TENM1: variants seen among roughly 807,000 people sequenced by gnomAD.
TENM1 encodes the protein teneurin transmembrane protein 1, also known as teneurin-1.
In TENM1, 35 loss-of-function variants were observed where a neutral mutation model predicts 174.8. The observed-to-expected ratio is 0.20, with a 90% CI of 0.15 to 0.27. The LOEUF (loss-of-function observed/expected upper bound fraction) is 0.27. TENM1 is among the 10% of genes least tolerant of loss of function. The probability of loss-of-function intolerance (pLI) is 1.00; values close to 1 mark genes in which losing one functional copy is unlikely to be tolerated. For synonymous variants in TENM1, 781 were observed against 798.7 expected, an observed-to-expected ratio of 0.98 and a Z score of 0.37; for missense variants, 1,633 against 2,130.1, an observed-to-expected ratio of 0.77 and a Z score of 4.59.
At chrX:124,408,386 C>A (rs935917571) in intron 25 of TENM1, among the ~76,000 whole-genome samples, 2 of 111,518 alleles carry the variant, frequency 1.8e-5, no homozygotes, top group African/African-American at 6.5e-5. Flanking sequence ...CATGTGATTC[C>A]CCCTGCCTCA....
At position 124,477,916 on chromosome X, in the gene TENM1, G is replaced by C. The variant is rs1055892032; in HGVS notation, c.3949+3816C>G. Among the ~76,000 whole-genome samples the C allele has an allele frequency of 2.9e-5, 3 of 104,643 alleles. No individual in the cohort carries two copies. In the Admixed American group the frequency reaches 2.9e-4, roughly 10 times the overall value. The allele number at this position is 104,643 out of a possible 115,157, so 90.9% of individuals were successfully genotyped here. A position where few individuals can be genotyped will look rare whatever the true frequency, so the allele number is the denominator to read the frequency against. ...CAGTGGTACATGTGTAGTATGTCCA[G>C]GTAAATTTCTTAACCTGTCTGATTC... On this transcript the variant is annotated intron_variant, in intron 22 of 31. Transcript: ENST00000422452.
intron 14 of TENM1, among the ~76,000 whole-genome samples, chrX:124,549,367 A>C (rs1296869965): frequency 8.9e-6 from 1 of 112,297 alleles, no homozygotes; most frequent in Admixed American, 9.4e-5. Flanking sequence ...TTATTGAGCT[A>C]ATATATGTGG....
At chrX:125,081,292 T>C in the TENM1 span, among the ~76,000 whole-genome samples, 68 of 111,544 alleles carry the variant, frequency 6.1e-4, 1 homozygote, top group Non-Finnish European at 7.6e-4. Flanking sequence ...TTCAATACCA[T>C]GTATCCACTT....
At chrX:124,551,737 A>C (rs959065350) in intron 14 of TENM1, among the ~76,000 whole-genome samples, 2 of 112,320 alleles carry the variant, frequency 1.8e-5, no homozygotes, top group South Asian at 7.4e-4. Context: ...TAAAGCTGGA[A>C]AGGTAATCAT....
At chrX:125,002,232 T>G in the TENM1 span, among the ~76,000 whole-genome samples, 1 of 111,530 alleles carries the variant, frequency 9.0e-6, no homozygotes, top group African/African-American at 3.3e-5. Context: ...TTCAATTGCA[T>G]AGTGCTTCAC....
chrX:124,588,560 G>A (rs1460864669), intron 11 of TENM1, among the ~76,000 whole-genome samples: 1 of 108,139 alleles, frequency 9.2e-6, no homozygotes, highest in Non-Finnish European at 1.9e-5. Flanking sequence ...GGGGAGTGGG[G>A]AGGGATAGCT....
Position 124,840,981 on chromosome X carries a change from G to T in TENM1, c.535+53315C>A, listed in dbSNP as rs908112290. On this transcript the variant is annotated intron_variant, in intron 3 of 31. Transcript: ENST00000422452. The stretch of plus-strand genomic sequence containing the variant: ...CAGGAATGAAGTTAGAACATGATTT[G>T]CTGTGCTTATTTCAAGGTGATTTAC... 6.3e-4 allele frequency among the ~76,000 whole-genome samples: 71 copies of T among 111,850 alleles called. 1 individual carries two copies. Among genetic ancestry groups the T allele is most frequent in the Non-Finnish European group, 3.8e-4 (20 of 53,119 alleles).
chrX:124,913,225 A>G (rs2147647160), intron 1 of TENM1, among the ~76,000 whole-genome samples: 1 of 111,271 alleles, frequency 9.0e-6, no homozygotes, highest in Admixed American at 9.6e-5. Flanking sequence ...AAATATAAAG[A>G]AAAAAACGAA....
chrX:124,451,180 C>G (rs1255358859), intron 23 of TENM1, among the ~76,000 whole-genome samples: 1 of 110,983 alleles, frequency 9.0e-6, no homozygotes, highest in Non-Finnish European at 1.9e-5. Context: ...GCTCTATAAT[C>G]TCTTTAAATG....
chrX:124,980,910 G>GT, the TENM1 span, among the ~76,000 whole-genome samples: 1 of 111,727 alleles, frequency 9.0e-6, no homozygotes, highest in Admixed American at 9.5e-5. Flanking sequence ...AAGATGTATT[G>GT]TTTTTTATCA....
chrX:124,712,255 G>A (rs746028434), intron 4 of TENM1, among the ~76,000 whole-genome samples: 4 of 110,875 alleles, frequency 3.6e-5, no homozygotes, highest in African/African-American at 6.6e-5. Context: ...TTTACTTTTC[G>A]GAGGAACTTC....
the TENM1 span, among the ~76,000 whole-genome samples, chrX:124,974,011 G>T: frequency 9.0e-6 from 1 of 111,346 alleles, no homozygotes; most frequent in African/African-American, 3.3e-5. Context: ...TGAGTTGATG[G>T]GTGCCACCAT....
the TENM1 span, among the ~76,000 whole-genome samples, chrX:125,122,517 T>G: frequency 7.1e-5 from 8 of 112,114 alleles, no homozygotes; most frequent in Admixed American, 3.8e-4. Context: ...CTGGGTCAGA[T>G]TATAAGATGT....
chrX:125,164,190 A>G, the TENM1 span, among the ~76,000 whole-genome samples: 1 of 111,976 alleles, frequency 8.9e-6, no homozygotes, highest in Middle Eastern at 4.6e-3. Flanking sequence ...GTATGTACAC[A>G]AAGCCTGAAC....
At chrX:124,758,413 T>C (rs957707234) in intron 3 of TENM1, among the ~76,000 whole-genome samples, 3 of 111,206 alleles carry the variant, frequency 2.7e-5, no homozygotes, top group African/African-American at 9.8e-5. Context: ...TGTGGAGAAA[T>C]TGGAATCTTT....
chrX:124,953,800 T>C (rs1349290833), intron 1 of TENM1, among the ~76,000 whole-genome samples: 1 of 112,172 alleles, frequency 8.9e-6, no homozygotes, highest in African/African-American at 3.2e-5. Context: ...TGAAGAGTTA[T>C]TTAAGAAGAA....
chrX:124,971,907 T>C, the TENM1 span, among the ~76,000 whole-genome samples: 2 of 112,134 alleles, frequency 1.8e-5, no homozygotes, highest in African/African-American at 6.5e-5. Context: ...ATGGGGCTTT[T>C]GCACATTTAC....
chrX:125,142,579 GA>G, the TENM1 span, among the ~76,000 whole-genome samples: 16 of 104,275 alleles, frequency 1.5e-4, no homozygotes, highest in Non-Finnish European at 2.4e-4. Context: ...TTTTCTTCTT[GA>G]AAAAAAAAAG....
chrX:124,392,926 G>A (rs1322552035), intron 27 of TENM1, among the ~76,000 whole-genome samples: 1 of 111,470 alleles, frequency 9.0e-6, no homozygotes, highest in East Asian at 2.8e-4. Context: ...ATACTTTCAC[G>A]GAGGCCTGTA....
Sources: allele counts gnomAD v4.1 joint callset (sites outside exome capture counted in the v4.1 genomes callset), GRCh38; gene constraint gnomAD v4.1.1; transcripts MANE v1.5; gene names NCBI Gene and HGNC (gene_info 2026-07-23, HGNC 2026-07-21).